Variants in PRDM16 observed in about 807,000 individuals in gnomAD.
PRDM16 encodes histone-lysine N-methyltransferase PRDM16.
PRDM16 carries 23 observed loss-of-function variants against 110.6 expected under a neutral mutation model. The ratio of observed to expected loss-of-function variants is 0.21; its 90% CI spans 0.15 to 0.29. PRDM16 has a LOEUF of 0.29. PRDM16 is among the 10% of genes least tolerant of loss of function. The pLI, the probability that PRDM16 is intolerant of heterozygous loss-of-function variation, is 1.00. For missense variants in PRDM16, 1,615 were observed against 1,794.3 expected (o/e 0.90, Z 1.81); for synonymous variants, 799 against 781.8 (o/e 1.02, Z -0.37).
chr1:3,283,779 C>T (rs1640784655), intron 3 of PRDM16, among the ~76,000 whole-genome samples: 1 of 152,194 alleles, frequency 6.6e-6, no homozygotes, highest in Non-Finnish European at 1.5e-5. Context: ...AGTATATTTC[C>T]CGCCTGCTTC....
At chr1:3,344,200 C>T (rs11803139) in intron 3 of PRDM16, among the ~76,000 whole-genome samples, 7 of 151,938 alleles carry the variant, frequency 4.6e-5, no homozygotes, top group East Asian at 3.9e-4. Flanking sequence ...TAGTCGGTTG[C>T]GATGGTGCAC....
chr1:3,232,905 A>T (rs867192536), intron 2 of PRDM16, among the ~76,000 whole-genome samples: 4 of 152,006 alleles, frequency 2.6e-5, no homozygotes, highest in South Asian at 2.1e-4. Flanking sequence ...TTACCAGGAG[A>T]TCTACGACCC....
At chr1:3,122,108 C>A (rs773873978) in intron 1 of PRDM16, among the ~76,000 whole-genome samples, 1 of 152,100 alleles carries the variant, frequency 6.6e-6, no homozygotes, top group African/African-American at 2.4e-5. Context: ...GGAGGTCAGG[C>A]GGACACGTCC....
chr1:3,278,136 A>G (rs2100316125), intron 3 of PRDM16, among the ~76,000 whole-genome samples: 1 of 152,264 alleles, frequency 6.6e-6, no homozygotes, highest in Non-Finnish European at 1.5e-5. Flanking sequence ...AACCCCACCC[A>G]GGTCCCTAAA....
intron 1 of PRDM16, among the ~76,000 whole-genome samples, chr1:3,082,037 A>G (rs1466393164): frequency 6.6e-6 from 1 of 152,210 alleles, no homozygotes; most frequent in Non-Finnish European, 1.5e-5. Context: ...TGACGCCTCA[A>G]ATCGAACACC....
At chr1:3,388,841 C>T (rs1423984220) in intron 4 of PRDM16, among the ~76,000 whole-genome samples, 6 of 152,204 alleles carry the variant, frequency 3.9e-5, no homozygotes, top group African/African-American at 1.4e-4. Context: ...CTCCTCCTGG[C>T]CTTCACTGGA....
intron 3 of PRDM16, among the ~76,000 whole-genome samples, chr1:3,373,720 C>T (rs576995453): frequency 1.8e-4 from 27 of 152,270 alleles, no homozygotes; most frequent in Non-Finnish European, 3.2e-4. Flanking sequence ...AGCCTGGCCC[C>T]GTGTGGCAAA....
chr1:3,123,257 G>A (rs1205790015), intron 1 of PRDM16, among the ~76,000 whole-genome samples: 1 of 152,236 alleles, frequency 6.6e-6, no homozygotes, highest in African/African-American at 2.4e-5. Flanking sequence ...GAACGTGTCT[G>A]TCTCCATGGC....
intron 3 of PRDM16, among the ~76,000 whole-genome samples, chr1:3,334,120 C>T (rs1178014209): frequency 6.6e-6 from 1 of 152,238 alleles, no homozygotes; most frequent in African/African-American, 2.4e-5. Flanking sequence ...CTGTGATTCC[C>T]TGGGCAGCTG....
intron 3 of PRDM16, among the ~76,000 whole-genome samples, chr1:3,328,073 C>G (rs765041333): frequency 6.6e-6 from 1 of 152,224 alleles, no homozygotes; most frequent in Non-Finnish European, 1.5e-5. Flanking sequence ...GCTGGGGCCT[C>G]CAGGAAGCTG....
At chr1:3,228,201 A>C (rs1191290244) in intron 2 of PRDM16, among the ~76,000 whole-genome samples, 1 of 152,208 alleles carries the variant, frequency 6.6e-6, no homozygotes, top group Non-Finnish European at 1.5e-5. Context: ...GAAAAGCACA[A>C]AGCATTTTCC....
chr1:3,115,398 C>T (rs1272087531), intron 1 of PRDM16, among the ~76,000 whole-genome samples: 1 of 152,222 alleles, frequency 6.6e-6, no homozygotes, highest in Non-Finnish European at 1.5e-5. Context: ...CCTGAGCAAA[C>T]CCAGCGGGAC....
chr1:3,133,526 G>T (rs1643376836), intron 1 of PRDM16: 1 of 152,334 alleles, frequency 6.6e-6, no homozygotes, highest in African/African-American at 2.4e-5. Context: ...TCCCCAATCG[G>T]CCGCCCCTGA....
intron 3 of PRDM16, among the ~76,000 whole-genome samples, chr1:3,363,465 G>C (rs962631351): frequency 6.6e-6 from 1 of 152,138 alleles, no homozygotes; most frequent in Admixed American, 6.5e-5. Flanking sequence ...GGTGAGCACG[G>C]GGGAGCTGGG....
At chr1:3,295,228 A>G (rs1215517386) in intron 3 of PRDM16, among the ~76,000 whole-genome samples, 2 of 152,208 alleles carry the variant, frequency 1.3e-5, no homozygotes, top group Non-Finnish European at 2.9e-5. Context: ...TATCCAGGAA[A>G]GGCATCAGGT....
chr1:3,129,266 ATGTG>A (rs372665094), intron 1 of PRDM16, among the ~76,000 whole-genome samples: 2 of 137,692 alleles, frequency 1.5e-5, no homozygotes, highest in Non-Finnish European at 3.1e-5. Flanking sequence ...GGGTGTGTAC[ATGTG>A]TGTGTGTGTC....
intron 3 of PRDM16, among the ~76,000 whole-genome samples, chr1:3,273,511 A>G (rs1264412957): frequency 1.3e-5 from 2 of 151,580 alleles, no homozygotes; most frequent in African/African-American, 4.9e-5. Flanking sequence ...CTATAAGGGT[A>G]CATGTCCATG....
chr1:3,182,683 G>C (rs370737959), intron 1 of PRDM16, among the ~76,000 whole-genome samples: 1 of 152,174 alleles, frequency 6.6e-6, no homozygotes, highest in East Asian at 1.9e-4. Flanking sequence ...CTCTGTCCCA[G>C]CCCGGGGCAG....
intron 3 of PRDM16, among the ~76,000 whole-genome samples, chr1:3,249,169 T>G (rs1164362408): frequency 1.3e-5 from 2 of 150,794 alleles, no homozygotes; most frequent in Admixed American, 1.3e-4. Flanking sequence ...CACTGTGTTC[T>G]GTTTGTATTG....
Sources: gnomAD v4.1 joint callset for allele counts (sites outside exome capture counted in the v4.1 genomes callset) on GRCh38, gnomAD v4.1.1 for gene constraint, MANE v1.5 for transcripts, NCBI Gene and HGNC (gene_info 2026-07-23, HGNC 2026-07-21) for gene names.